Variants in RCN3 observed in about 807,000 individuals in gnomAD.
RCN3 encodes reticulocalbin 3, also known as reticulocalbin-3.
Under a neutral mutation model 35.9 loss-of-function variants are expected in RCN3, and 41 were observed. The ratio of observed to expected loss-of-function variants is 1.14; its 90% CI spans 0.89 to 1.48. RCN3 has a LOEUF of 1.48. Among genes scored for constraint, RCN3 ranks in the 40% most tolerant of loss-of-function variants. The pLI, the probability that RCN3 is intolerant of heterozygous loss-of-function variation, is 0.00. For synonymous variants in RCN3, 187 were observed against 193.4 expected (o/e 0.97, Z 0.27); for missense variants, 451 against 471.3 (o/e 0.96, Z 0.40).
rs529079923 is a variant in RCN3, at chr19:49,528,240, C to T, written c.-7+182C>T. The T allele has an allele frequency of 3.4e-4, 155 of 459,430 alleles. 1 individual carries two copies. The highest frequency in any genetic ancestry group is 2.6e-3 in the African/African-American group (130 of 49,956). 28.5% of individuals were successfully genotyped at this position (459,430 alleles called of 1,614,324 possible). A position where few individuals can be genotyped will look rare whatever the true frequency, so the allele number is the denominator to read the frequency against. The stretch of plus-strand genomic sequence containing the variant: ...GTAATTCCCCCTGGCAGGTCTGGGA[C>T]CCCCCTGAGACTCCGTCAGAAGATT... On this transcript the variant is annotated intron_variant, in intron 1 of 6. Coordinates refer to ENST00000270645, the MANE Select transcript of RCN3 (RefSeq NM_020650.3).
At chr19:49,529,729 G>C (rs1033873696) in intron 2 of RCN3, among the ~76,000 whole-genome samples, 5 of 151,320 alleles carry the variant, frequency 3.3e-5, no homozygotes, top group Non-Finnish European at 7.4e-5. Flanking sequence ...TTGGTGGGGG[G>C]GAGTTGCAAT....
rs888564412 is a variant in RCN3, at chr19:49,537,541, C to T, written c.618+336C>T. 7.3e-5 allele frequency among the ~76,000 whole-genome samples: 11 copies of T among 151,696 alleles called. No homozygotes were observed. In the East Asian group the frequency reaches 1.4e-3, roughly 19 times the overall value. Reference sequence around the variant, plus strand: ...TTTTTTTTTGAGACATAGTCTCCCTCGGTTGCCCAGGCTGGAAAGCAGTGG... The same window carrying T: ...TTTTTTTTTGAGACATAGTCTCCCTTGGTTGCCCAGGCTGGAAAGCAGTGG... On this transcript the variant is annotated intron_variant, in intron 4 of 6. Coordinates refer to ENST00000270645, the MANE Select transcript of RCN3 (RefSeq NM_020650.3).
chr19:49,538,067 C>T (rs1276149501), intron 4 of RCN3, among the ~76,000 whole-genome samples: 1 of 151,478 alleles, frequency 6.6e-6, no homozygotes, highest in Non-Finnish European at 1.5e-5. Flanking sequence ...TCTCAGCTCA[C>T]TGCAACCTCA....
intron 5 of RCN3, among the ~76,000 whole-genome samples, chr19:49,540,763 C>T (rs937463972): frequency 1.3e-5 from 2 of 151,416 alleles, no homozygotes; most frequent in Non-Finnish European, 2.9e-5. Context: ...ACTCCAGGCA[C>T]AGTGCGGCCT....
In RCN3 at chr19:49,537,944, A is replaced by T. The variant is rs182263287; in HGVS notation, c.618+739A>T. ...ATGAGCCACCGTGCCTGGCCCCAAA[A>T]TGTGCTTTGTTCTATAGAAGAAGGC... On this transcript the variant is annotated intron_variant, in intron 4 of 6. Transcript: ENST00000270645. Among the ~76,000 whole-genome samples, 9 of 151,066 alleles carry T rather than the reference A, an allele frequency of 6.0e-5. No homozygotes were observed. In the East Asian group the frequency reaches 1.8e-3, roughly 30 times the overall value.
chr19:49,536,996 A>G (rs374826539), intron 3 of RCN3, 37 bp from the exon 4 acceptor site: 17 of 1,472,010 alleles, frequency 1.2e-5, no homozygotes, highest in Non-Finnish European at 1.5e-5. Flanking sequence ...CGTTTCCTCC[A>G]TTAAAGCTCA....
rs1030049236 is a variant in RCN3, at chr19:49,535,938, CATATT to C, written c.446-1090_446-1086del. On this transcript the variant is annotated intron_variant, in intron 3 of 6. Transcript: ENST00000270645. The stretch of plus-strand genomic sequence containing the variant: ...CACATACTAATAATATGTTATATAA[CATATT>C]ATATACTTAAATATATATACAAATT... Among the ~76,000 whole-genome samples the C allele has an allele frequency of 4.1e-5, 6 of 145,026 alleles. No individual in the cohort carries two copies. In the East Asian group the frequency reaches 5.9e-4, roughly 14 times the overall value.
chr19:49,539,272 C>A, intron 5 of RCN3, 93 bp downstream of exon 5: 1 of 998,418 alleles, frequency 1.0e-6, no homozygotes, highest in Non-Finnish European at 1.5e-6. Context: ...CACCCATCAT[C>A]AGAGAACAGT....
intron 3 of RCN3, among the ~76,000 whole-genome samples, chr19:49,535,873 T>TATATATATATAG (rs1555811318): frequency 2.1e-5 from 3 of 144,794 alleles, no homozygotes; most frequent in African/African-American, 7.8e-5. Flanking sequence ...TATATATATA[T>TATATATATATAG]ATAGATAGAT....
At chr19:49,528,102 C>CGGGGCGGCTT (rs2080090343) in intron 1 of RCN3, 44 bp downstream of exon 1, 1 of 226,048 alleles carries the variant, frequency 4.4e-6, no homozygotes, top group African/African-American at 2.3e-5. Context: ...GAGGGCGGCT[C>CGGGGCGGCTT]GGGTCGAGGA....
intron 3 of RCN3, among the ~76,000 whole-genome samples, chr19:49,535,865 T>TAGATAGATAGATAG (rs1355882440): frequency 1.4e-5 from 2 of 142,400 alleles, no homozygotes; most frequent in African/African-American, 5.4e-5. Flanking sequence ...AAAAAAAATA[T>TAGATAGATAGATAG]ATATATATAT....
intron 5 of RCN3, among the ~76,000 whole-genome samples, chr19:49,539,718 AT>A (rs58021494): frequency 0.19 from 23,022 of 118,970 alleles, 2,229 homozygotes; most frequent in African/African-American, 0.32. Flanking sequence ...CTAACAAGGA[AT>A]TTTTTTTTTT....
chr19:49,528,414 G>A lies in RCN3; in HGVS notation c.-6-53G>A, dbSNP rs193240183. The A allele has an allele frequency of 1.5e-4, 218 of 1,428,054 alleles. No individual in the cohort carries two copies. In the African/African-American group the frequency reaches 2.8e-3, roughly 18 times the overall value. 88.5% of individuals were successfully genotyped at this position (1,428,054 alleles called of 1,614,324 possible). Reference sequence around the variant, plus strand: ...CTCCACCCCGCCATTCTCCTATCCCGTGTCTGTCCCCATCCCTGTGACCCC... The same window carrying A: ...CTCCACCCCGCCATTCTCCTATCCCATGTCTGTCCCCATCCCTGTGACCCC... On this transcript the variant is annotated intron_variant, in intron 1 of 6. Transcript: ENST00000270645.
intron 2 of RCN3, among the ~76,000 whole-genome samples, chr19:49,530,220 G>A (rs2080101765): frequency 6.6e-6 from 1 of 151,078 alleles, no homozygotes; most frequent in Non-Finnish European, 1.5e-5. Context: ...GAGTGCAGTG[G>A]CGTGATCTCA....
chr19:49,539,030 G>A, intron 4 of RCN3, 89 bp from the exon 5 acceptor site: 1 of 895,690 alleles, frequency 1.1e-6, no homozygotes, highest in Non-Finnish European at 1.7e-6. Context: ...AAATTTCCAA[G>A]AGAACCTCTC....
chr19:49,539,784 G>T (rs558482074), intron 5 of RCN3, among the ~76,000 whole-genome samples: 2 of 148,556 alleles, frequency 1.3e-5, no homozygotes, highest in South Asian at 2.1e-4. Context: ...GCGCGGTGGC[G>T]TGGTATCGGC....
intron 5 of RCN3, among the ~76,000 whole-genome samples, chr19:49,541,954 T>G (rs2080164632): frequency 6.7e-6 from 1 of 149,138 alleles, no homozygotes; most frequent in African/African-American, 2.5e-5. Context: ...CACTACAGCC[T>G]GGGCAACAAG....
In RCN3 at chr19:49,536,921, A is replaced by C. The variant is rs2080138364; in HGVS notation, c.446-112A>C. 8.6e-6 allele frequency: 9 copies of C among 1,049,792 alleles called. No individual in the cohort carries two copies. The South Asian group carries it at 1.6e-4, about 19-fold the overall frequency. 65.0% of individuals were successfully genotyped at this position (1,049,792 alleles called of 1,614,324 possible). On this transcript the variant is annotated intron_variant, in intron 3 of 6. Transcript: ENST00000270645. ...GCATCCAGCCTACTGATATATACTT[A>C]TTAACTCCACAGAAATCTTTGTACC...
At chr19:49,541,980 TA>T (rs925625287) in intron 5 of RCN3, among the ~76,000 whole-genome samples, 121 of 129,518 alleles carry the variant, frequency 9.3e-4, no homozygotes, top group African/African-American at 1.3e-3. Context: ...AACTCCATCT[TA>T]AAAAAAAAAA....
Sources: gnomAD v4.1 joint callset for allele counts (sites outside exome capture counted in the v4.1 genomes callset) on GRCh38, gnomAD v4.1.1 for gene constraint, MANE v1.5 for transcripts, NCBI Gene and HGNC (gene_info 2026-07-23, HGNC 2026-07-21) for gene names.